RALGPS1: variants seen among roughly 807,000 people sequenced by gnomAD.
RALGPS1 encodes ras-specific guanine nucleotide-releasing factor RalGPS1.
RALGPS1 carries 19 observed loss-of-function variants against 78.8 expected under a neutral mutation model. The observed-to-expected ratio is 0.24, with a 90% CI of 0.17 to 0.35. RALGPS1 has a LOEUF of 0.35. Among genes scored for constraint, RALGPS1 ranks in the 10% least tolerant of loss-of-function variants. The probability of loss-of-function intolerance (pLI) is 1.00; values close to 1 mark genes in which losing one functional copy is unlikely to be tolerated. For synonymous variants in RALGPS1, 228 were observed against 256.3 expected (o/e 0.89, Z 1.06); for missense variants, 454 against 688.3 (o/e 0.66, Z 3.81).
intron 1 of RALGPS1, among the ~76,000 whole-genome samples, chr9:126,931,481 C>T (rs2035783392): frequency 6.6e-6 from 1 of 152,140 alleles, no homozygotes; most frequent in Non-Finnish European, 1.5e-5. Flanking sequence ...TATGGATAAA[C>T]CTTGAAAACA....
chr9:127,106,824 C>T (rs1270621946), intron 8 of RALGPS1: 1 of 152,252 alleles, frequency 6.6e-6, no homozygotes, highest in African/African-American at 2.4e-5. Flanking sequence ...ATTCCCAGTA[C>T]TGGTGGTTAT....
rs368523445 is a variant in RALGPS1, at chr9:126,962,394, C to A, written c.57+48C>A. Reference sequence around the variant, plus strand: ...GACAGTGGGTAGAGGGGTCTCCTTTCAGCTAACCCAGGCCCCAGCTGAGCC... The same window carrying A: ...GACAGTGGGTAGAGGGGTCTCCTTTAAGCTAACCCAGGCCCCAGCTGAGCC... On this transcript the variant is annotated intron_variant, in intron 2 of 18. Transcript: ENST00000259351. 2.5e-6 allele frequency: 4 copies of A among 1,587,298 alleles called. No individual in the cohort carries two copies. The African/African-American group carries it at 5.4e-5, about 21-fold the overall frequency.
chr9:127,046,843 C>G (rs1176444432), intron 5 of RALGPS1, among the ~76,000 whole-genome samples: 2 of 151,372 alleles, frequency 1.3e-5, no homozygotes, highest in African/African-American at 4.9e-5. Context: ...GTTCAGAAGG[C>G]AAATAATACA....
chr9:127,032,381 A>G (rs908871666), intron 4 of RALGPS1, among the ~76,000 whole-genome samples: 1 of 152,168 alleles, frequency 6.6e-6, no homozygotes, highest in Non-Finnish European at 1.5e-5. Context: ...GTGCACACAC[A>G]CACACACACA....
chr9:127,009,790 A>T (rs931802669), intron 4 of RALGPS1, among the ~76,000 whole-genome samples: 1 of 152,126 alleles, frequency 6.6e-6, no homozygotes, highest in African/African-American at 2.4e-5. Context: ...TACCTGTGAG[A>T]TAGAGTACTG....
chr9:127,217,388 G>A (rs972010679), intron 18 of RALGPS1: 9 of 991,660 alleles, frequency 9.1e-6, no homozygotes, highest in African/African-American at 3.5e-5. Flanking sequence ...CAGTACATCC[G>A]TGTGATGGAA....
Position 126,965,830 on chromosome 9 carries a change from C to T in RALGPS1, c.58-14C>T. The T allele has an allele frequency of 6.2e-7, 1 of 1,605,474 alleles. No individual in the cohort carries two copies. On this transcript the variant is annotated splice_polypyrimidine_tract_variant and intron_variant, in intron 2 of 18. Transcript: ENST00000259351. Reference sequence around the variant, plus strand: ...TATCATTCAGTTGGCACCATCTTTCCCTGCTCTCCACAGGGCAGCAGCAGC... The same window carrying T: ...TATCATTCAGTTGGCACCATCTTTCTCTGCTCTCCACAGGGCAGCAGCAGC...
intron 8 of RALGPS1, among the ~76,000 whole-genome samples, chr9:127,112,922 T>TA (rs778603893): frequency 3.3e-5 from 5 of 152,328 alleles, no homozygotes; most frequent in Non-Finnish European, 5.9e-5. Context: ...CAGAGTGACT[T>TA]ACTAGTGTTA....
At chr9:127,057,498 G>A (rs1239802247) in intron 7 of RALGPS1, among the ~76,000 whole-genome samples, 1 of 152,214 alleles carries the variant, frequency 6.6e-6, no homozygotes, top group African/African-American at 2.4e-5. Flanking sequence ...GAGCTGCACA[G>A]GACCGACTGA....
At chr9:127,184,005 G>T (rs917490606) in intron 11 of RALGPS1, 2 of 1,549,760 alleles carry the variant, frequency 1.3e-6, no homozygotes, top group Non-Finnish European at 1.7e-6. Context: ...GCTGCTCCGC[G>T]CTCCCCGTGG....
chr9:127,029,715 A>G (rs1219605591), intron 4 of RALGPS1, among the ~76,000 whole-genome samples: 1 of 152,214 alleles, frequency 6.6e-6, no homozygotes, highest in Non-Finnish European at 1.5e-5. Flanking sequence ...GATGGCCTAG[A>G]TGCCGTGGGG....
intron 4 of RALGPS1, among the ~76,000 whole-genome samples, chr9:126,979,576 G>A (rs556241366): frequency 6.6e-6 from 1 of 152,270 alleles, no homozygotes; most frequent in African/African-American, 2.4e-5. Context: ...CCCACCTGCC[G>A]TGAGCCCTGA....
chr9:127,146,127 G>A (rs1353479811), intron 8 of RALGPS1, among the ~76,000 whole-genome samples: 2 of 152,042 alleles, frequency 1.3e-5, no homozygotes, highest in African/African-American at 4.8e-5. Context: ...TTTGTTACAC[G>A]GGAATATTGC....
intron 4 of RALGPS1, among the ~76,000 whole-genome samples, chr9:126,985,702 C>T (rs1315091705): frequency 6.6e-6 from 1 of 152,184 alleles, no homozygotes; most frequent in African/African-American, 2.4e-5. Flanking sequence ...CTCTTTCCTA[C>T]TACTTACATA....
chr9:127,049,275 G>A (rs557596495), intron 5 of RALGPS1, among the ~76,000 whole-genome samples: 13 of 152,250 alleles, frequency 8.5e-5, no homozygotes, highest in East Asian at 3.9e-4. Flanking sequence ...AGTCTCTTCC[G>A]TTGCATTGAG....
chr9:127,106,775 T>G (rs2054258287), intron 8 of RALGPS1: 1 of 152,268 alleles, frequency 6.6e-6, no homozygotes, highest in South Asian at 2.1e-4. Context: ...CCTCCTGCAC[T>G]CAGGTTCAGC....
intron 1 of RALGPS1, among the ~76,000 whole-genome samples, chr9:126,944,690 C>T (rs2037095941): frequency 6.6e-6 from 1 of 152,084 alleles, no homozygotes; most frequent in Non-Finnish European, 1.5e-5. Flanking sequence ...CAAAACAGTA[C>T]AGAGCTTACA....
chr9:127,198,889 C>T (rs1470557420), intron 13 of RALGPS1, 126 bp from the exon 14 acceptor site: 1 of 830,278 alleles, frequency 1.2e-6, no homozygotes, highest in East Asian at 2.4e-5. Flanking sequence ...CGTTGAGGCT[C>T]CCAATGTCAG....
chr9:127,088,097 C>T (rs1189202882), intron 8 of RALGPS1: 39 of 152,512 alleles, frequency 2.6e-4, no homozygotes, highest in Admixed American at 6.5e-5. Flanking sequence ...AGTAGGTAGG[C>T]GAGGAGTACA....
Sources: gnomAD v4.1 joint callset for allele counts (sites outside exome capture counted in the v4.1 genomes callset) on GRCh38, gnomAD v4.1.1 for gene constraint, MANE v1.5 for transcripts, NCBI Gene and HGNC (gene_info 2026-07-23, HGNC 2026-07-21) for gene names.